UPF2: variants seen among roughly 807,000 people sequenced by gnomAD.
UPF2 encodes the protein UPF2 regulator of nonsense mediated mRNA decay.
UPF2 carries 17 observed loss-of-function variants against 141.4 expected under a neutral mutation model. The ratio of observed to expected loss-of-function variants is 0.12; its 90% CI spans 0.08 to 0.18. The LOEUF (loss-of-function observed/expected upper bound fraction) is 0.18, where lower values mean the gene tolerates loss of function less well. UPF2 is among the 10% of genes least tolerant of loss of function. UPF2 has a pLI of 1.00. For missense variants in UPF2, 1,152 were observed against 1,515.9 expected, an observed-to-expected ratio of 0.76 and a Z score of 3.99; for synonymous variants, 540 against 498.0, an observed-to-expected ratio of 1.08 and a Z score of -1.12.
At chr10:12,036,981 C>T (rs563070098) in intron 1 of UPF2, among the ~76,000 whole-genome samples, 6 of 152,112 alleles carry the variant, frequency 3.9e-5, no homozygotes, top group East Asian at 1.9e-4. Flanking sequence ...GCCAAGATCA[C>T]GCCATTGGAC....
chr10:11,922,905 G>T (rs1832663676), intron 21 of UPF2, among the ~76,000 whole-genome samples: 1 of 152,066 alleles, frequency 6.6e-6, no homozygotes, highest in Non-Finnish European at 1.5e-5. Flanking sequence ...ATTTGTAGTG[G>T]TGTGTGCCTA....
At chr10:11,960,906 A>G (rs1420539278) in intron 11 of UPF2, among the ~76,000 whole-genome samples, 5 of 152,076 alleles carry the variant, frequency 3.3e-5, no homozygotes, top group Non-Finnish European at 7.4e-5. Flanking sequence ...AGTCCTAGCA[A>G]CGTAGTGAGA....
At chr10:11,991,846 A>G (rs1033222577) in intron 8 of UPF2, among the ~76,000 whole-genome samples, 1 of 152,206 alleles carries the variant, frequency 6.6e-6, no homozygotes, top group Non-Finnish European at 1.5e-5. Flanking sequence ...TGAGAAAACT[A>G]TTAGAAAATG....
At chr10:11,958,118 G>A (rs1194075348) in intron 12 of UPF2, among the ~76,000 whole-genome samples, 1 of 152,136 alleles carries the variant, frequency 6.6e-6, no homozygotes, top group Non-Finnish European at 1.5e-5. Flanking sequence ...GGGAGGCTGA[G>A]GCAGGAGGAG....
chr10:11,927,036 AACAG>A (rs1382395053), intron 21 of UPF2, among the ~76,000 whole-genome samples: 1 of 152,202 alleles, frequency 6.6e-6, no homozygotes, highest in Non-Finnish European at 1.5e-5. Context: ...AGGTTTTTGA[AACAG>A]ACAAATGAAG....
chr10:12,017,908 G>C (rs1181079400), intron 3 of UPF2, among the ~76,000 whole-genome samples: 4 of 152,014 alleles, frequency 2.6e-5, no homozygotes, highest in African/African-American at 9.7e-5. Flanking sequence ...CCAACCCCCA[G>C]ATTTTTTCTT....
At position 11,939,898 on chromosome 10, in the gene UPF2, G is replaced by T. The variant is rs1315697612; in HGVS notation, c.3378+2767C>A. Among the ~76,000 whole-genome samples, 1 of 152,138 alleles carries T rather than the reference G, an allele frequency of 6.6e-6. No individual in the cohort carries two copies. Among genetic ancestry groups the T allele is most frequent in the Non-Finnish European group, 1.5e-5 (1 of 68,028 alleles). ...TTGCTTATTCTTACAGATGTTTTAA[G>T]AAATAATTTTAAATTCATTCTGCAT... On this transcript the variant is annotated intron_variant, in intron 18 of 21. Transcript: ENST00000357604. This position sits in a 1 kb window ranked among gnomAD's most constrained non-coding sequence, Gnocchi z 4.8.
At chr10:11,930,017 T>C (rs1301320786) in intron 20 of UPF2, 32 bp from the exon 21 acceptor site, 23 of 1,613,824 alleles carry the variant, frequency 1.4e-5, no homozygotes, top group Non-Finnish European at 1.9e-5. Context: ...GAGAATGCTG[T>C]TAACTCTTAG....
At chr10:11,975,949 T>C (rs1442168728) in intron 9 of UPF2, among the ~76,000 whole-genome samples, 1 of 152,236 alleles carries the variant, frequency 6.6e-6, no homozygotes, top group Admixed American at 6.5e-5. Flanking sequence ...ATACTGTGAA[T>C]CACAGTTTTT....
Position 12,040,565 on chromosome 10 carries a change from G to A in UPF2, c.-19+2190C>T, listed in dbSNP as rs181654957. 3.2e-3 allele frequency among the ~76,000 whole-genome samples: 490 copies of A among 151,960 alleles called. 2 individuals are homozygous for A. Among genetic ancestry groups the A allele is most frequent in the Non-Finnish European group, 4.3e-3 (291 of 67,994 alleles). On this transcript the variant is annotated intron_variant, in intron 1 of 21. Coordinates refer to ENST00000357604, the MANE Select transcript of UPF2 (RefSeq NM_015542.4). ...CTTCATCCTTACATTACAAGCATAC[G>A]CCCAAAGTATACTTGCGACTAAATT...
At chr10:11,958,707 C>T (rs1344207906) in intron 12 of UPF2, among the ~76,000 whole-genome samples, 1 of 152,086 alleles carries the variant, frequency 6.6e-6, no homozygotes, top group Non-Finnish European at 1.5e-5. Context: ...TTTACCTTCA[C>T]TGGAAATTAA....
rs1833106070 is a variant in UPF2 at position 11,953,662 on chromosome 10, T to C, written c.2851-1413A>G. 6.6e-6 allele frequency among the ~76,000 whole-genome samples: 1 copy of C among 152,256 alleles called. No homozygotes were observed. Reference sequence around the variant, plus strand: ...ATTCTACTTTGGATGCTGTTATAGCTGCCATTTTGCAGCAAAACTCTGGCT... The same window carrying C: ...ATTCTACTTTGGATGCTGTTATAGCCGCCATTTTGCAGCAAAACTCTGGCT... On this transcript the variant is annotated intron_variant, in intron 14 of 21. Coordinates refer to ENST00000357604, the MANE Select transcript of UPF2 (RefSeq NM_015542.4). The surrounding 1 kb of genome is among the most constrained non-coding windows in gnomAD (Gnocchi z 5.0).
In UPF2 at chr10:11,931,606, A is replaced by G; in HGVS notation, c.3688+35T>C. 2 of 1,515,720 alleles carry G rather than the reference A, an allele frequency of 1.3e-6. No individual in the cohort carries two copies. The highest frequency in any genetic ancestry group is 1.8e-6 in the Non-Finnish European group (2 of 1,133,148). The allele number at this position is 1,515,720 out of a possible 1,614,324, so 93.9% of individuals were successfully genotyped here. On this transcript the variant is annotated intron_variant, in intron 20 of 21. Coordinates refer to ENST00000357604, the MANE Select transcript of UPF2 (RefSeq NM_015542.4). This position sits in a 1 kb window ranked among gnomAD's most constrained non-coding sequence, Gnocchi z 5.9. ...ACAATTTTGATGCTCAAAAGGCAAC[A>G]AAAATTTCCACTTCTCTTATAGATG...
At position 11,953,345 on chromosome 10, in the gene UPF2, G is replaced by A. The variant is rs1349923460; in HGVS notation, c.2851-1096C>T. 2.0e-5 allele frequency among the ~76,000 whole-genome samples: 3 copies of A among 152,076 alleles called. No individual in the cohort carries two copies. Among genetic ancestry groups the A allele is most frequent in the Non-Finnish European group, 4.4e-5 (3 of 68,006 alleles). On this transcript the variant is annotated intron_variant, in intron 14 of 21. Transcript: ENST00000357604. The surrounding 1 kb of genome is among the most constrained non-coding windows in gnomAD (Gnocchi z 5.0). ...TCTGCATCTTTACAAAGTCCCCAGG[G>A]GACATGGATGCACAGGAAAGTTTAA...
chr10:12,034,968 C>A, intron 2 of UPF2, 91 bp downstream of exon 2: 1 of 1,491,880 alleles, frequency 6.7e-7, no homozygotes. Context: ...AGAGCTGCAC[C>A]CAGGACGCTA....
intron 8 of UPF2, among the ~76,000 whole-genome samples, chr10:11,981,982 C>A (rs187990387): frequency 6.6e-5 from 10 of 152,202 alleles, no homozygotes; most frequent in Admixed American, 4.6e-4. Context: ...CTGCGCCCAG[C>A]CCCTATAAGT....
At chr10:11,986,091 AG>A (rs1434648978) in intron 8 of UPF2, among the ~76,000 whole-genome samples, 7 of 151,804 alleles carry the variant, frequency 4.6e-5, no homozygotes, top group South Asian at 4.2e-4. Flanking sequence ...TCACCGTGAT[AG>A]CCAGGATGGT....
intron 11 of UPF2, among the ~76,000 whole-genome samples, chr10:11,960,368 G>A (rs911549389): frequency 2.0e-5 from 3 of 151,994 alleles, no homozygotes; most frequent in Non-Finnish European, 4.4e-5. Context: ...GCAACAAAGT[G>A]AGACCCCATC....
intron 4 of UPF2, among the ~76,000 whole-genome samples, chr10:12,012,054 T>C (rs1301125448): frequency 6.6e-6 from 1 of 151,582 alleles, no homozygotes; most frequent in Non-Finnish European, 1.5e-5. Flanking sequence ...ACCACCTAAA[T>C]CAATACCCAA....
Sources: gnomAD v4.1 joint callset for allele counts (sites outside exome capture counted in the v4.1 genomes callset) on GRCh38, gnomAD v4.1.1 for gene constraint, Gnocchi (gnomAD v3.1) non-coding constraint, MANE v1.5 for transcripts, NCBI Gene and HGNC (gene_info 2026-07-23, HGNC 2026-07-21) for gene names.